The following IPCEF1 variants were observed in gnomAD, a reference collection of about 807,000 sequenced individuals.
IPCEF1 encodes the protein interaction protein for cytohesin exchange factors 1, also known as interactor protein for cytohesin exchange factors 1.
In IPCEF1, 31 loss-of-function variants were observed where a neutral mutation model predicts 50.9. The observed-to-expected ratio is 0.61, with a 90% CI of 0.46 to 0.82. IPCEF1 has a LOEUF of 0.82. IPCEF1 is among the 40% of genes least tolerant of loss of function. The pLI, the probability that IPCEF1 is intolerant of heterozygous loss-of-function variation, is 0.00. For missense variants in IPCEF1, 458 were observed against 514.0 expected, an observed-to-expected ratio of 0.89 and a Z score of 1.05; for synonymous variants, 181 against 192.0, an observed-to-expected ratio of 0.94 and a Z score of 0.47.
Position 154,263,901 on chromosome 6 carries a change from G to A in IPCEF1, c.36+2011C>T, listed in dbSNP as rs1410322844. ...TGACCCCCCCACCTCCCTCCCGGAC[G>A]GGGCGGCTGGCCGGGCAGAGGGACT... On this transcript the variant is annotated intron_variant, in intron 3 of 11. Coordinates refer to ENST00000367220, the MANE Select transcript of IPCEF1 (RefSeq NM_001130700.2). 2.8e-4 allele frequency among the ~76,000 whole-genome samples: 19 copies of A among 67,240 alleles called. 2 individuals carry two copies. Among genetic ancestry groups the A allele is most frequent in the African/African-American group, 7.0e-4 (16 of 22,806 alleles). 44.1% of individuals were successfully genotyped at this position (67,240 alleles called of 152,430 possible).
intron 1 of IPCEF1, among the ~76,000 whole-genome samples, chr6:154,295,540 AG>A (rs2128671568): frequency 6.6e-6 from 1 of 151,966 alleles, no homozygotes; most frequent in East Asian, 2.0e-4. Context: ...CTTTGCTGTG[AG>A]CATTGCTTGG....
intron 1 of IPCEF1, chr6:154,330,067 G>A (rs934302500): frequency 6.6e-6 from 1 of 152,260 alleles, no homozygotes; most frequent in African/African-American, 2.4e-5. Flanking sequence ...AGAAGAAAGT[G>A]AGAAGACTAC....
intron 1 of IPCEF1, among the ~76,000 whole-genome samples, chr6:154,340,746 G>A (rs536792028): frequency 5.3e-5 from 8 of 151,950 alleles, no homozygotes; most frequent in African/African-American, 1.4e-4. Flanking sequence ...TTAGCCAGGC[G>A]TGGTGGCACA....
intron 1 of IPCEF1, among the ~76,000 whole-genome samples, chr6:154,294,920 C>T (rs184011538): frequency 5.3e-5 from 8 of 152,012 alleles, no homozygotes; most frequent in African/African-American, 7.2e-5. Context: ...AGTACTTGGC[C>T]GGGCGTGGTA....
At chr6:154,210,841 T>C (rs1045125898) in intron 9 of IPCEF1, among the ~76,000 whole-genome samples, 7 of 152,312 alleles carry the variant, frequency 4.6e-5, no homozygotes, top group African/African-American at 1.4e-4. Flanking sequence ...TAATAAACAT[T>C]TATTCAACAA....
intron 1 of IPCEF1, among the ~76,000 whole-genome samples, chr6:154,337,689 G>T (rs976235192): frequency 7.2e-5 from 11 of 152,306 alleles, no homozygotes; most frequent in Admixed American, 3.3e-4. Context: ...GAGGAACCAG[G>T]TTGGCTAGGA....
At chr6:154,308,549 A>AAGT (rs1782995361) in intron 1 of IPCEF1, among the ~76,000 whole-genome samples, 2 of 152,162 alleles carry the variant, frequency 1.3e-5, no homozygotes, top group South Asian at 4.1e-4. Flanking sequence ...ACAGAGAACA[A>AAGT]AGTATTCTTT....
At chr6:154,321,164 C>T (rs1783364814) in intron 1 of IPCEF1, among the ~76,000 whole-genome samples, 1 of 152,152 alleles carries the variant, frequency 6.6e-6, no homozygotes, top group South Asian at 2.1e-4. Flanking sequence ...CTTCTGGGCT[C>T]AAGCAATCCT....
chr6:154,273,620 G>T (rs548981070), intron 2 of IPCEF1, among the ~76,000 whole-genome samples: 1 of 151,748 alleles, frequency 6.6e-6, no homozygotes, highest in Non-Finnish European at 1.5e-5. Flanking sequence ...TATGCGGCAG[G>T]GGAGGTTTGG....
At chr6:154,264,279 T>A (rs1342878380) in intron 3 of IPCEF1, among the ~76,000 whole-genome samples, 1 of 151,338 alleles carries the variant, frequency 6.6e-6, no homozygotes, top group African/African-American at 2.5e-5. Context: ...TCACTCTCCA[T>A]TCATGATTCA....
At chr6:154,160,166 A>C in intron 11 of IPCEF1, 126 bp from the exon 12 acceptor site, 1 of 725,446 alleles carries the variant, frequency 1.4e-6, no homozygotes, top group Non-Finnish European at 2.3e-6. Flanking sequence ...TTGCACGTTA[A>C]TGTTCTAATT....
intron 10 of IPCEF1, among the ~76,000 whole-genome samples, chr6:154,197,301 T>C (rs1776696739): frequency 6.6e-6 from 1 of 152,148 alleles, no homozygotes; most frequent in Non-Finnish European, 1.5e-5. Flanking sequence ...AATATGAAAT[T>C]TGATTACTCA....
chr6:154,319,196 T>G (rs1272942057), intron 1 of IPCEF1, among the ~76,000 whole-genome samples: 1 of 152,196 alleles, frequency 6.6e-6, no homozygotes, highest in African/African-American at 2.4e-5. Flanking sequence ...CATGAACTGT[T>G]TATAAAATTT....
At chr6:154,161,411 A>G (rs1167644606) in intron 11 of IPCEF1, among the ~76,000 whole-genome samples, 3 of 152,010 alleles carry the variant, frequency 2.0e-5, no homozygotes, top group Non-Finnish European at 4.4e-5. Context: ...GGGTTTCGCC[A>G]TGTTGACCAA....
At chr6:154,240,756 C>T (rs13206378) in intron 5 of IPCEF1, among the ~76,000 whole-genome samples, 4,919 of 152,298 alleles carry the variant, frequency 0.032, 100 homozygotes, top group African/African-American at 0.052. Context: ...AGATGGAACA[C>T]ATCTCATGCA....
intron 2 of IPCEF1, among the ~76,000 whole-genome samples, chr6:154,268,851 A>G (rs1384067019): frequency 6.6e-6 from 1 of 151,502 alleles, no homozygotes; most frequent in Admixed American, 6.6e-5. Flanking sequence ...GGCTTATACC[A>G]TCTAATTTTT....
intron 1 of IPCEF1, among the ~76,000 whole-genome samples, chr6:154,349,470 T>C (rs1784087735): frequency 6.6e-6 from 1 of 151,970 alleles, no homozygotes; most frequent in Non-Finnish European, 1.5e-5. Flanking sequence ...CAAGTGATCT[T>C]TCCACCTCAG....
chr6:154,163,206 A>G (rs2128549419), intron 11 of IPCEF1, among the ~76,000 whole-genome samples: 1 of 152,238 alleles, frequency 6.6e-6, no homozygotes, highest in South Asian at 2.1e-4. Flanking sequence ...CTGCCCCTCC[A>G]GCCCACTGCT....
chr6:154,335,917 G>T (rs2128695657), intron 1 of IPCEF1, among the ~76,000 whole-genome samples: 1 of 152,174 alleles, frequency 6.6e-6, no homozygotes, highest in East Asian at 1.9e-4. Flanking sequence ...AACTTGCATT[G>T]GGGAAATGCA....
Sources: gnomAD v4.1 joint callset for allele counts (sites outside exome capture counted in the v4.1 genomes callset) on GRCh38, gnomAD v4.1.1 for gene constraint, MANE v1.5 for transcripts, NCBI Gene and HGNC (gene_info 2026-07-23, HGNC 2026-07-21) for gene names.